Variants in IL13RA1 observed in about 807,000 individuals in gnomAD.
The protein encoded by IL13RA1 is interleukin-13 receptor subunit alpha-1.
Under a neutral mutation model 33.8 loss-of-function variants are expected in IL13RA1, and 14 were observed. The observed-to-expected ratio is 0.41, with a 90% CI of 0.27 to 0.65. The LOEUF is 0.65. Ranked by LOEUF, IL13RA1 falls within the 30% of genes least tolerant of loss-of-function variation. IL13RA1 has a pLI of 0.28. For synonymous variants in IL13RA1, 116 were observed against 115.7 expected (o/e 1.00, Z -0.02); for missense variants, 313 against 327.0 (o/e 0.96, Z 0.33).
intron 4 of IL13RA1, among the ~76,000 whole-genome samples, chrX:118,750,999 G>T (rs2017464232): frequency 9.0e-6 from 1 of 111,060 alleles, no homozygotes; most frequent in Non-Finnish European, 1.9e-5. Context: ...TAGAAACAGG[G>T]TTTCAACGTG....
chrX:118,743,661 A>G (rs898322375), intron 2 of IL13RA1, among the ~76,000 whole-genome samples: 1 of 112,094 alleles, frequency 8.9e-6, no homozygotes, highest in Non-Finnish European at 1.9e-5. Context: ...GAGTTGAGAA[A>G]GGTGCAGTCC....
intron 4 of IL13RA1, among the ~76,000 whole-genome samples, chrX:118,754,946 T>C (rs1410184858): frequency 9.5e-6 from 1 of 105,727 alleles, no homozygotes; most frequent in African/African-American, 3.4e-5. Context: ...TCTTTTTTTT[T>C]TTTTTCTTTT....
intron 3 of IL13RA1, among the ~76,000 whole-genome samples, chrX:118,747,568 T>C (rs1401277633): frequency 9.0e-6 from 1 of 111,619 alleles, no homozygotes; most frequent in Non-Finnish European, 1.9e-5. Context: ...TTATGTGTGA[T>C]ACTTAGTTTG....
intron 10 of IL13RA1, among the ~76,000 whole-genome samples, chrX:118,782,126 G>A (rs1190143580): frequency 9.0e-6 from 1 of 111,031 alleles, no homozygotes; most frequent in Non-Finnish European, 1.9e-5. Flanking sequence ...AGGCTGGAGG[G>A]CAGTGATGCA....
intron 6 of IL13RA1, among the ~76,000 whole-genome samples, chrX:118,763,328 C>T (rs1188600543): frequency 8.9e-6 from 1 of 112,465 alleles, no homozygotes; most frequent in African/African-American, 3.2e-5. Context: ...AGCACTATAT[C>T]TGAATTGTTT....
At chrX:118,799,344 G>A (rs147548593), downstream of IL13RA1, among the ~76,000 whole-genome samples, 3,120 of 113,200 alleles carry the variant, frequency 0.028, 98 homozygotes, top group African/African-American at 0.094. Flanking sequence ...GAATGCGAGC[G>A]CACAGTGCAG....
At chrX:118,743,916 C>T (rs1185235657) in intron 2 of IL13RA1, among the ~76,000 whole-genome samples, 2 of 111,687 alleles carry the variant, frequency 1.8e-5, no homozygotes, top group African/African-American at 3.3e-5. Flanking sequence ...GAGGCCGAGG[C>T]GGGCTGATCA....
chrX:118,764,401 G>C (rs1054303952), intron 6 of IL13RA1, among the ~76,000 whole-genome samples: 10 of 110,049 alleles, frequency 9.1e-5, no homozygotes, highest in African/African-American at 3.0e-4. Flanking sequence ...TCCCTCACTG[G>C]TAGTTGACGC....
intron 8 of IL13RA1, among the ~76,000 whole-genome samples, chrX:118,768,599 A>G (rs1008021565): frequency 8.9e-6 from 1 of 112,420 alleles, no homozygotes; most frequent in Non-Finnish European, 1.9e-5. Flanking sequence ...TTTTGCAGAT[A>G]TAATCAAGTG....
chrX:118,741,045 T>C lies in IL13RA1; in HGVS notation c.117T>C (p.Ser39=), dbSNP rs183467302. Reference sequence around the variant, plus strand: ...CTCAGCCACCTGTGACAAATTTGAGTGTCTCTGTTGAAAACCTCTGCACAG... The same window carrying C: ...CTCAGCCACCTGTGACAAATTTGAGCGTCTCTGTTGAAAACCTCTGCACAG... ...TETQPPVTNL[S]VSVENLCTVI... The change falls in exon 2 of 11, where the codon AGT becomes AGC. Residue 39 remains serine (S), a synonymous_variant. Transcript: ENST00000371666. The C allele has an allele frequency of 2.9e-4, 322 of 1,115,223 alleles. 1 individual carries two copies. In the East Asian group the frequency reaches 9.5e-3, roughly 33 times the overall value. 91.9% of individuals were successfully genotyped at this position (1,115,223 alleles called of 1,213,427 possible).
In IL13RA1 at chrX:118,784,092, T is replaced by A. The variant is rs12842110; in HGVS notation, c.1191+7581T>A. 1.0e-2 allele frequency among the ~76,000 whole-genome samples: 537 copies of A among 53,951 alleles called. 26 individuals carry two copies. The highest frequency in any genetic ancestry group is 0.023 in the South Asian group (17 of 751). 46.8% of individuals were successfully genotyped at this position (53,951 alleles called of 115,157 possible). ...ACTCTGTCGCCAAAAAAAAAAAAAA[T>A]ATATATATATATATATACGTATATA... On this transcript the variant is annotated intron_variant, in intron 10 of 10. Transcript: ENST00000371666.
chrX:118,774,448 C>T (rs1245191625), intron 9 of IL13RA1, among the ~76,000 whole-genome samples: 2 of 112,044 alleles, frequency 1.8e-5, no homozygotes, highest in African/African-American at 3.2e-5. Flanking sequence ...TGCACCCAGC[C>T]GCTATGCCCA....
At chrX:118,748,223 T>C (rs1854958418) in intron 3 of IL13RA1, among the ~76,000 whole-genome samples, 1 of 103,928 alleles carries the variant, frequency 9.6e-6, no homozygotes, top group Non-Finnish European at 1.9e-5. Context: ...ATGTGCCCTT[T>C]GCTCTAAGCC....
chrX:118,795,149 G>T (rs1165904775), downstream of IL13RA1, among the ~76,000 whole-genome samples: 4 of 103,837 alleles, frequency 3.9e-5, no homozygotes, highest in African/African-American at 1.4e-4. Flanking sequence ...CGTGAACCCG[G>T]GAGGTGGAGC....
intron 10 of IL13RA1, among the ~76,000 whole-genome samples, chrX:118,781,828 T>C (rs182447423): frequency 8.9e-6 from 1 of 112,222 alleles, no homozygotes; most frequent in African/African-American, 3.2e-5. Flanking sequence ...CACTGACCAC[T>C]AAGACAGTGG....
Position 118,791,978 on chromosome X carries a change from A to C in IL13RA1, c.*124A>C. 1.8e-4 allele frequency: 70 copies of C among 381,629 alleles called. No homozygotes were observed. The highest frequency in any genetic ancestry group is 5.9e-4 in the East Asian group (13 of 21,968). The allele number at this position is 381,629 out of a possible 1,213,427, so 31.5% of individuals were successfully genotyped here. On this transcript the variant is annotated 3_prime_UTR_variant, in exon 11 of 11. Coordinates refer to ENST00000371666, the MANE Select transcript of IL13RA1 (RefSeq NM_001560.3). ...TGCACCATTTAAAAACAGGCAGCTC[A>C]TAAGAGCCACAGGTCTTTATGTTGA...
At chrX:118,755,183 A>G (rs1320643433) in intron 4 of IL13RA1, among the ~76,000 whole-genome samples, 1 of 109,589 alleles carries the variant, frequency 9.1e-6, no homozygotes, top group Non-Finnish European at 1.9e-5. Flanking sequence ...TCCTGACCTC[A>G]AGTGATTCAC....
At chrX:118,736,353 C>T (rs1334716768) in intron 1 of IL13RA1, among the ~76,000 whole-genome samples, 1 of 110,228 alleles carries the variant, frequency 9.1e-6, no homozygotes, top group Non-Finnish European at 1.9e-5. Flanking sequence ...TTTTGTCTGT[C>T]TTGTGATTCT....
rs1318818267 is a variant in IL13RA1 at position 118,766,683 on chromosome X, G to A, written c.876+106G>A. ...TGAGAAAAACAAATTACGTTGTTCC[G>A]TGAGTTATTGACAATTTTTTCGAAA... On this transcript the variant is annotated intron_variant, in intron 7 of 10. Coordinates refer to ENST00000371666, the MANE Select transcript of IL13RA1 (RefSeq NM_001560.3). 70 of 589,701 alleles carry A rather than the reference G, an allele frequency of 1.2e-4. No homozygotes were observed. The Admixed American group carries it at 1.9e-3, about 16-fold the overall frequency. 48.6% of individuals were successfully genotyped at this position (589,701 alleles called of 1,213,427 possible).
Sources: gnomAD v4.1 joint callset for allele counts (sites outside exome capture counted in the v4.1 genomes callset) on GRCh38, gnomAD v4.1.1 for gene constraint, MANE v1.5 for transcripts, NCBI Gene and HGNC (gene_info 2026-07-23, HGNC 2026-07-21) for gene names.